Variants in ARHGAP42 observed in about 807,000 individuals in gnomAD.
ARHGAP42 encodes rho GTPase-activating protein 42.
A neutral mutation model predicts 125.0 loss-of-function variants in ARHGAP42; 63 were observed. The ratio of observed to expected loss-of-function variants is 0.50; its 90% CI spans 0.41 to 0.62. ARHGAP42 has a LOEUF of 0.62. ARHGAP42 is among the 20% of genes least tolerant of loss of function. The pLI, the probability that ARHGAP42 is intolerant of heterozygous loss-of-function variation, is 0.00. For synonymous variants in ARHGAP42, 339 were observed against 351.0 expected, an observed-to-expected ratio of 0.97 and a Z score of 0.38; for missense variants, 766 against 1,024.2, an observed-to-expected ratio of 0.75 and a Z score of 3.44.
chr11:100,986,666 A>C, intron 22 of ARHGAP42, among the ~76,000 whole-genome samples: 1 of 152,162 alleles, frequency 6.6e-6, no homozygotes, highest in Non-Finnish European at 1.5e-5. Context: ...TGGTTGTGGA[A>C]GAGATGATAA....
chr11:100,904,166 A>C (rs997200763), intron 4 of ARHGAP42, among the ~76,000 whole-genome samples: 1 of 152,068 alleles, frequency 6.6e-6, no homozygotes, highest in African/African-American at 2.4e-5. Context: ...TATGCTTTCA[A>C]CATCATTTGC....
At chr11:100,818,213 G>T (rs148047854) in intron 3 of ARHGAP42, among the ~76,000 whole-genome samples, 1 of 151,940 alleles carries the variant, frequency 6.6e-6, no homozygotes, top group Non-Finnish European at 1.5e-5. Flanking sequence ...TCTTTGCCTG[G>T]ACCAGCATGT....
chr11:100,760,915 G>A (rs1458716150), intron 1 of ARHGAP42, among the ~76,000 whole-genome samples: 3 of 152,068 alleles, frequency 2.0e-5, no homozygotes, highest in Admixed American at 2.0e-4. Flanking sequence ...CTGTAACTGA[G>A]GCTAACATAC....
intron 4 of ARHGAP42, among the ~76,000 whole-genome samples, chr11:100,880,623 T>C (rs1865937137): frequency 6.6e-6 from 1 of 152,236 alleles, no homozygotes; most frequent in African/African-American, 2.4e-5. Flanking sequence ...AGTAGTGGGA[T>C]TGCTGGATCA....
chr11:100,687,962 C>G (rs1194142912), intron 1 of ARHGAP42, 130 bp downstream of exon 1: 14 of 1,063,290 alleles, frequency 1.3e-5, no homozygotes, highest in Non-Finnish European at 1.8e-5. Flanking sequence ...AGCTGAAGAG[C>G]TCCCCTGCTG....
chr11:100,777,405 A>C (rs1863157909), intron 2 of ARHGAP42, among the ~76,000 whole-genome samples: 1 of 152,130 alleles, frequency 6.6e-6, no homozygotes, highest in Non-Finnish European at 1.5e-5. Context: ...GTCAAGAAGA[A>C]TTTTTTCAAG....
chr11:100,932,811 T>C (rs1780397637), intron 6 of ARHGAP42, among the ~76,000 whole-genome samples: 1 of 152,198 alleles, frequency 6.6e-6, no homozygotes, highest in Non-Finnish European at 1.5e-5. Context: ...CCCCTTGTTT[T>C]GATTAGAAGT....
intron 4 of ARHGAP42, among the ~76,000 whole-genome samples, chr11:100,885,770 A>G (rs753618057): frequency 1.3e-5 from 2 of 152,220 alleles, no homozygotes; most frequent in Admixed American, 6.5e-5. Flanking sequence ...TATTGCATAT[A>G]TATGAATGCA....
chr11:100,972,761 A>G (rs1028121468), intron 17 of ARHGAP42, among the ~76,000 whole-genome samples: 15 of 152,166 alleles, frequency 9.9e-5, no homozygotes, highest in Non-Finnish European at 1.5e-5. Context: ...GACTAAATAC[A>G]ATAATATGTA....
intron 3 of ARHGAP42, among the ~76,000 whole-genome samples, chr11:100,834,637 A>G (rs1370805381): frequency 6.6e-6 from 1 of 152,140 alleles, no homozygotes; most frequent in Non-Finnish European, 1.5e-5. Context: ...TCATAGCATG[A>G]ATAGACACCC....
intron 12 of ARHGAP42, among the ~76,000 whole-genome samples, chr11:100,952,203 CTTTAT>C (rs1424246643): frequency 6.6e-6 from 1 of 152,020 alleles, no homozygotes; most frequent in Non-Finnish European, 1.5e-5. Flanking sequence ...GTCGTTTTCA[CTTTAT>C]TTTGTTTTCA....
intron 3 of ARHGAP42, among the ~76,000 whole-genome samples, chr11:100,808,019 G>A (rs1371357691): frequency 6.6e-6 from 1 of 151,876 alleles, no homozygotes; most frequent in South Asian, 2.1e-4. Context: ...GTGTGTAACT[G>A]TCCCTTAAAA....
intron 1 of ARHGAP42, among the ~76,000 whole-genome samples, chr11:100,739,655 T>C (rs1427160082): frequency 6.6e-6 from 1 of 152,212 alleles, no homozygotes; most frequent in Non-Finnish European, 1.5e-5. Flanking sequence ...ATCTATACTT[T>C]GTTTCTCCCT....
At chr11:100,875,093 CTCTCTCTCTCTCTCTGTG>C (rs1189432280) in intron 4 of ARHGAP42, among the ~76,000 whole-genome samples, 1 of 95,920 alleles carries the variant, frequency 1.0e-5, no homozygotes, top group South Asian at 3.8e-4. Context: ...CTCTCTCTCT[CTCTCTCTCTCTCTCTGTG>C]TGTGTGTGTG....
Position 100,908,448 on chromosome 11 carries a change from A to C in ARHGAP42, c.385-5004A>C, listed in dbSNP as rs1454446824. On this transcript the variant is annotated intron_variant, in intron 4 of 23. Transcript: ENST00000298815. ...GTCTATTACTCCACTCTGTATATTCATGTGTACCCATTTTTTAGCTCTGAC... is the reference window on the plus strand; with the variant it reads ...GTCTATTACTCCACTCTGTATATTCCTGTGTACCCATTTTTTAGCTCTGAC... Among the ~76,000 whole-genome samples, 4 of 152,076 alleles carry C rather than the reference A, an allele frequency of 2.6e-5. 1 individual carries two copies. The highest frequency in any genetic ancestry group is 9.7e-5 in the African/African-American group (4 of 41,420).
chr11:100,754,077 TCTTTAA>T (rs984886351), intron 1 of ARHGAP42, among the ~76,000 whole-genome samples: 3 of 152,354 alleles, frequency 2.0e-5, no homozygotes, highest in East Asian at 1.9e-4. Flanking sequence ...AAATTGTAAA[TCTTTAA>T]CTTTAATTCC....
chr11:100,869,679 T>A (rs922019571), intron 4 of ARHGAP42, among the ~76,000 whole-genome samples: 2 of 152,172 alleles, frequency 1.3e-5, no homozygotes, highest in Non-Finnish European at 2.9e-5. Flanking sequence ...TTGGAAAGTT[T>A]TTTAATTCAA....
chr11:100,798,535 A>C (rs1414633344), intron 3 of ARHGAP42, among the ~76,000 whole-genome samples: 1 of 152,232 alleles, frequency 6.6e-6, no homozygotes, highest in Non-Finnish European at 1.5e-5. Flanking sequence ...CTTTTAAATT[A>C]AGGTATGTAC....
chr11:100,896,176 C>T (rs1416195686), intron 4 of ARHGAP42, among the ~76,000 whole-genome samples: 1 of 152,194 alleles, frequency 6.6e-6, no homozygotes, highest in Non-Finnish European at 1.5e-5. Context: ...ATGAACTCAT[C>T]CTTTTTTATG....
Sources: gnomAD v4.1 joint callset for allele counts (sites outside exome capture counted in the v4.1 genomes callset) on GRCh38, gnomAD v4.1.1 for gene constraint, MANE v1.5 for transcripts, NCBI Gene and HGNC (gene_info 2026-07-23, HGNC 2026-07-21) for gene names.